Variants in PPM1H observed in about 807,000 individuals in gnomAD.
PPM1H encodes protein phosphatase 1H.
Under a neutral mutation model 54.9 loss-of-function variants are expected in PPM1H, and 27 were observed. That is an observed-to-expected ratio of 0.49 (90% confidence interval 0.36 to 0.68). The LOEUF (loss-of-function observed/expected upper bound fraction) is 0.68, where lower values mean the gene tolerates loss of function less well. Among genes scored for constraint, PPM1H ranks in the 30% least tolerant of loss-of-function variants. The pLI is 0.00. For synonymous variants in PPM1H, 305 were observed against 270.8 expected (o/e 1.13, Z -1.24); for missense variants, 596 against 667.8 (o/e 0.89, Z 1.19).
At chr12:62,919,501 C>T (rs1871725661) in intron 1 of PPM1H, among the ~76,000 whole-genome samples, 1 of 152,128 alleles carries the variant, frequency 6.6e-6, no homozygotes, top group South Asian at 2.1e-4. Context: ...AAAGGTTAAT[C>T]CTTTGCTTTT....
intron 1 of PPM1H, among the ~76,000 whole-genome samples, chr12:62,913,843 C>G (rs1009381853): frequency 6.6e-6 from 1 of 151,898 alleles, no homozygotes; most frequent in Admixed American, 6.6e-5. Flanking sequence ...TGGGATTATA[C>G]GCATGCGCCA....
rs1000381093 is a variant in PPM1H, at chr12:62,930,843, A to G, written c.245+3649T>C. Among the ~76,000 whole-genome samples, 6 of 151,998 alleles carry G rather than the reference A, an allele frequency of 3.9e-5. No individual in the cohort carries two copies. The East Asian group carries it at 1.2e-3, about 29-fold the overall frequency. On this transcript the variant is annotated intron_variant, in intron 1 of 9. Transcript: ENST00000228705. ...AGCTTAGTAGATGTTATCTATAACT[A>G]CAATGCTTTACAGAGCTTTACAACC...
intron 6 of PPM1H, among the ~76,000 whole-genome samples, chr12:62,705,784 T>C (rs2076169883): frequency 6.6e-6 from 1 of 152,218 alleles, no homozygotes; most frequent in Admixed American, 6.5e-5. Flanking sequence ...AGACCATTTA[T>C]TCTGAAATAA....
At chr12:62,801,642 CTCTG>C (rs761082490) in intron 3 of PPM1H, among the ~76,000 whole-genome samples, 170 bp downstream of exon 3, 1 of 151,888 alleles carries the variant, frequency 6.6e-6, no homozygotes, top group Non-Finnish European at 1.5e-5. Context: ...ATGCCAGGAA[CTCTG>C]TCTGCTGCCA....
chr12:62,714,953 G>GC (rs1026794437), intron 6 of PPM1H, among the ~76,000 whole-genome samples: 7 of 152,172 alleles, frequency 4.6e-5, no homozygotes, highest in African/African-American at 1.7e-4. Context: ...TGAAGTTTCA[G>GC]CCCCCTCCCA....
At chr12:62,784,297 C>G (rs866579175) in intron 4 of PPM1H, among the ~76,000 whole-genome samples, 1 of 152,008 alleles carries the variant, frequency 6.6e-6, no homozygotes, top group East Asian at 1.9e-4. Flanking sequence ...ATGGGATGGT[C>G]GTTGACTCAA....
At chr12:62,891,104 C>CAA (rs71450596) in intron 1 of PPM1H, among the ~76,000 whole-genome samples, 1,545 of 75,668 alleles carry the variant, frequency 0.02, 44 homozygotes, top group South Asian at 0.028. Flanking sequence ...GCAAGACTCT[C>CAA]AAAAAAAAAA....
intron 5 of PPM1H, among the ~76,000 whole-genome samples, chr12:62,737,066 G>A (rs552855153): frequency 6.6e-6 from 1 of 152,258 alleles, no homozygotes; most frequent in African/African-American, 2.4e-5. Flanking sequence ...TGGCATGTCA[G>A]CAGAGACCTC....
chr12:62,820,410 G>A (rs2120812176), intron 2 of PPM1H, among the ~76,000 whole-genome samples: 1 of 152,336 alleles, frequency 6.6e-6, no homozygotes, highest in Non-Finnish European at 1.5e-5. Flanking sequence ...CCAGCACAGA[G>A]TTTGAGATCT....
At chr12:62,764,996 T>C (rs1483957359) in intron 4 of PPM1H, among the ~76,000 whole-genome samples, 2 of 152,162 alleles carry the variant, frequency 1.3e-5, no homozygotes, top group African/African-American at 4.8e-5. Context: ...CTGGGGCCAG[T>C]CAGAAGGACC....
intron 4 of PPM1H, among the ~76,000 whole-genome samples, chr12:62,752,256 ACT>A (rs1287931411): frequency 2.0e-5 from 3 of 152,162 alleles, no homozygotes; most frequent in Non-Finnish European, 2.9e-5. Context: ...AATAAATTAA[ACT>A]CACATATAAG....
At chr12:62,839,606 T>C (rs1012420746) in intron 1 of PPM1H, among the ~76,000 whole-genome samples, 13 of 150,898 alleles carry the variant, frequency 8.6e-5, no homozygotes, top group African/African-American at 2.9e-4. Flanking sequence ...CCTGGCCTCA[T>C]GGGCATTTGA....
chr12:62,934,634 G>T lies in PPM1H; in HGVS notation c.103C>A (p.Leu35Met). The T allele has an allele frequency of 6.3e-7, 1 of 1,593,090 alleles. No homozygotes were observed. The highest frequency in any genetic ancestry group is 8.5e-7 in the Non-Finnish European group (1 of 1,171,294). ...HGGGSCGGSD[L>M]PLRFPYGRPE... ...CGCCCGTAGGGGAAACGCAGGGGCA[G>T]GTCCGAGCCTCCGCAGCTGCCGCCG... is the stretch of plus-strand genomic sequence containing the variant. Residue 35 changes from leucine (L) to methionine (M), a missense_variant, in exon 1 of 10, where the codon CTG (leucine) becomes ATG (methionine). Transcript: ENST00000228705. The surrounding 1 kb of genome is among the most constrained non-coding windows in gnomAD (Gnocchi z 4.2).
chr12:62,833,765 A>C (rs1868420568), intron 1 of PPM1H, among the ~76,000 whole-genome samples: 1 of 152,160 alleles, frequency 6.6e-6, no homozygotes, highest in African/African-American at 2.4e-5. Context: ...AAATGTATAC[A>C]CATTTTTAAA....
At chr12:62,822,734 A>G (rs2076911869) in intron 2 of PPM1H, among the ~76,000 whole-genome samples, 2 of 152,338 alleles carry the variant, frequency 1.3e-5, no homozygotes, top group South Asian at 4.1e-4. Flanking sequence ...TCTGGGACAC[A>G]CTTAAAGCAG....
At chr12:62,786,144 C>T (rs2076669651) in intron 4 of PPM1H, among the ~76,000 whole-genome samples, 1 of 152,214 alleles carries the variant, frequency 6.6e-6, no homozygotes, top group Non-Finnish European at 1.5e-5. Flanking sequence ...GCTGAATCAT[C>T]CACTCGGTCT....
intron 3 of PPM1H, among the ~76,000 whole-genome samples, chr12:62,789,116 A>C (rs553232674): frequency 1.3e-5 from 2 of 152,248 alleles, no homozygotes; most frequent in East Asian, 3.9e-4. Flanking sequence ...CCTGGGCTCA[A>C]GCCTCCTGCC....
chr12:62,744,343 T>G (rs543200947), intron 4 of PPM1H, among the ~76,000 whole-genome samples: 1 of 151,762 alleles, frequency 6.6e-6, no homozygotes, highest in Admixed American at 6.6e-5. Context: ...TGGTGGTGGG[T>G]GCCTATAATC....
chr12:62,778,282 T>C (rs943601050), intron 4 of PPM1H, among the ~76,000 whole-genome samples: 8 of 152,204 alleles, frequency 5.3e-5, no homozygotes, highest in Non-Finnish European at 1.2e-4. Context: ...CTGCTAACTG[T>C]CCACCAAAAT....
Sources: allele counts gnomAD v4.1 joint callset (sites outside exome capture counted in the v4.1 genomes callset), GRCh38; gene constraint gnomAD v4.1.1; non-coding constraint Gnocchi (gnomAD v3.1); transcripts MANE v1.5; gene names NCBI Gene and HGNC (gene_info 2026-07-23, HGNC 2026-07-21).